DAB1: variants seen among roughly 807,000 people sequenced by gnomAD.
DAB1 encodes the protein DAB adaptor protein 1.
Under a neutral mutation model 64.6 loss-of-function variants are expected in DAB1, and 15 were observed. The observed-to-expected ratio is 0.23, with a 90% CI of 0.16 to 0.36. The LOEUF (loss-of-function observed/expected upper bound fraction) is 0.36. Ranked by LOEUF, DAB1 falls within the 10% of genes least tolerant of loss-of-function variation. The pLI, the probability that DAB1 is intolerant of heterozygous loss-of-function variation, is 1.00. For synonymous variants in DAB1, 235 were observed against 251.9 expected (o/e 0.93, Z 0.64); for missense variants, 596 against 706.7 (o/e 0.84, Z 1.78).
intron 2 of DAB1, among the ~76,000 whole-genome samples, chr1:57,187,599 C>T (rs1663697442): frequency 6.6e-6 from 1 of 152,318 alleles, no homozygotes; most frequent in Non-Finnish European, 1.5e-5. Context: ...CCTGCATTTG[C>T]TATCTTGTTC....
intron 6 of DAB1, among the ~76,000 whole-genome samples, chr1:57,681,120 C>A (rs1302930657): frequency 6.6e-6 from 1 of 152,214 alleles, no homozygotes; most frequent in East Asian, 1.9e-4. Flanking sequence ...TGCCTCTGAA[C>A]TTTGTAGGAG....
intron 7 of DAB1, among the ~76,000 whole-genome samples, chr1:57,561,384 A>G (rs1309802353): frequency 6.6e-6 from 1 of 152,182 alleles, no homozygotes; most frequent in Admixed American, 6.5e-5. Flanking sequence ...GGAAGGAGAA[A>G]TGACCAGATG....
At chr1:57,542,033 T>C (rs1644808386) in intron 7 of DAB1, among the ~76,000 whole-genome samples, 1 of 152,122 alleles carries the variant, frequency 6.6e-6, no homozygotes, top group Admixed American at 6.5e-5. Flanking sequence ...CCAGAGCATA[T>C]TTGGGAAATA....
intron 7 of DAB1, among the ~76,000 whole-genome samples, chr1:57,582,714 T>G (rs1815685): frequency 0.96 from 146,745 of 152,324 alleles, 70,879 homozygotes; most frequent in East Asian, 1. Context: ...CTCCACAGGG[T>G]CCGATGCCAC....
chr1:58,384,726 G>T (rs976918711), intron 3 of DAB1, among the ~76,000 whole-genome samples: 3 of 152,184 alleles, frequency 2.0e-5, no homozygotes, highest in Non-Finnish European at 2.9e-5. Context: ...AGGCCCAAAG[G>T]CCCCTGGAAA....
chr1:57,138,452 C>T (rs551213082), intron 3 of DAB1, among the ~76,000 whole-genome samples: 1 of 152,228 alleles, frequency 6.6e-6, no homozygotes, highest in Non-Finnish European at 1.5e-5. Context: ...CTCCCTACAA[C>T]CCCTTCCAAT....
At chr1:57,002,934 C>G (rs1401451845) in intron 14 of DAB1, among the ~76,000 whole-genome samples, 1 of 152,194 alleles carries the variant, frequency 6.6e-6, no homozygotes, top group Non-Finnish European at 1.5e-5. Context: ...GAGTCTGAAA[C>G]ATAGGAGATA....
intron 1 of DAB1, among the ~76,000 whole-genome samples, chr1:57,391,100 T>C (rs1206398171): frequency 1.3e-5 from 2 of 152,184 alleles, no homozygotes; most frequent in Non-Finnish European, 1.5e-5. Context: ...CCAGATCCCC[T>C]ACCCACAGCC....
intron 1 of DAB1, among the ~76,000 whole-genome samples, chr1:57,340,637 C>T (rs541618976): frequency 1.4e-5 from 2 of 146,322 alleles, no homozygotes; most frequent in East Asian, 3.9e-4. Flanking sequence ...TAGCCCAGGT[C>T]AGTGTCTAAC....
chr1:57,216,346 AAAGT>A (rs1233336338), intron 2 of DAB1, among the ~76,000 whole-genome samples: 1 of 152,158 alleles, frequency 6.6e-6, no homozygotes, highest in African/African-American at 2.4e-5. Flanking sequence ...GTAGTCAATT[AAAGT>A]AACTCCTTTA....
chr1:57,956,251 A>G (rs879305309), intron 5 of DAB1, among the ~76,000 whole-genome samples: 13 of 152,196 alleles, frequency 8.5e-5, no homozygotes, highest in Non-Finnish European at 1.8e-4. Context: ...GGTGTAAGCA[A>G]GGGAAGGGAA....
At chr1:58,045,601 T>C (rs1218572645) in intron 5 of DAB1, among the ~76,000 whole-genome samples, 1 of 150,152 alleles carries the variant, frequency 6.7e-6, no homozygotes, top group Non-Finnish European at 1.5e-5. Context: ...TTAAAAACTG[T>C]CTCTCCAAAT....
At chr1:58,075,491 TTGAG>T (rs1263822549) in intron 5 of DAB1, among the ~76,000 whole-genome samples, 3 of 152,162 alleles carry the variant, frequency 2.0e-5, no homozygotes, top group Non-Finnish European at 4.4e-5. Flanking sequence ...GCCTCTATCT[TTGAG>T]TGAGGATGAT....
chr1:58,516,314 G>C (rs1646157041), intron 2 of DAB1, among the ~76,000 whole-genome samples: 1 of 152,190 alleles, frequency 6.6e-6, no homozygotes, highest in Non-Finnish European at 1.5e-5. Context: ...TAGTTTAGTT[G>C]CTTGTGAAAT....
At chr1:57,692,620 TG>T (rs1558616397) in intron 6 of DAB1, among the ~76,000 whole-genome samples, 1 of 152,190 alleles carries the variant, frequency 6.6e-6, no homozygotes, top group Non-Finnish European at 1.5e-5. Flanking sequence ...GGTAAATTTC[TG>T]TCTACCAGCC....
At chr1:57,577,386 C>T (rs930501576) in intron 7 of DAB1, among the ~76,000 whole-genome samples, 5 of 149,940 alleles carry the variant, frequency 3.3e-5, no homozygotes, top group Admixed American at 1.3e-4. Flanking sequence ...CTCTAACCCT[C>T]GTGATCTGGT....
At chr1:57,075,461 T>C (rs1651901135) in intron 4 of DAB1, among the ~76,000 whole-genome samples, 1 of 152,206 alleles carries the variant, frequency 6.6e-6, no homozygotes, top group Non-Finnish European at 1.5e-5. Context: ...GTCTCATTCA[T>C]TCGGAAATAA....
At chr1:58,038,322 G>A (rs554998877) in intron 5 of DAB1, among the ~76,000 whole-genome samples, 2 of 152,238 alleles carry the variant, frequency 1.3e-5, no homozygotes, top group South Asian at 2.1e-4. Flanking sequence ...AGAGTGGAAG[G>A]AATTCAGCTT....
chr1:57,426,126 C>T (rs1220457921), upstream of DAB1, among the ~76,000 whole-genome samples: 1 of 152,198 alleles, frequency 6.6e-6, no homozygotes, highest in Admixed American at 6.5e-5. Context: ...AACATGAAGA[C>T]CATCTACATG....
Sources: allele counts gnomAD v4.1 joint callset (sites outside exome capture counted in the v4.1 genomes callset), GRCh38; gene constraint gnomAD v4.1.1; transcripts MANE v1.5; gene names NCBI Gene and HGNC (gene_info 2026-07-23, HGNC 2026-07-21).